The following CNTNAP3B variants were observed in gnomAD, a reference collection of about 807,000 sequenced individuals.
CNTNAP3B encodes the protein contactin-associated protein-like 3B.
Under a neutral mutation model 108.9 loss-of-function variants are expected in CNTNAP3B, and 25 were observed. That is an observed-to-expected ratio of 0.23 (90% CI 0.17 to 0.32). CNTNAP3B has a LOEUF of 0.32. Among genes scored for constraint, CNTNAP3B ranks in the 10% least tolerant of loss-of-function variants. The probability of loss-of-function intolerance (pLI) is 1.00; values close to 1 mark genes in which losing one functional copy is unlikely to be tolerated. For missense variants in CNTNAP3B, 252 were observed against 1,210.4 expected, an observed-to-expected ratio of 0.21 and a Z score of 11.75; for synonymous variants, 103 against 473.4, an observed-to-expected ratio of 0.22 and a Z score of 10.16.
At chr9:41,977,487 CAG>C (rs1339846613) in intron 9 of CNTNAP3B, among the ~76,000 whole-genome samples, 1 of 141,490 alleles carries the variant, frequency 7.1e-6, no homozygotes, top group Non-Finnish European at 1.5e-5. Flanking sequence ...AGAAAACAAT[CAG>C]AAACTTTGCA....
At chr9:41,969,008 G>A (rs1825364038) in intron 10 of CNTNAP3B, among the ~76,000 whole-genome samples, 2 of 152,412 alleles carry the variant, frequency 1.3e-5, no homozygotes, top group East Asian at 3.9e-4. Context: ...ATGTTAGCCA[G>A]GATGGTCTCG....
rs1322589996 is a variant in CNTNAP3B at position 42,115,442 on chromosome 9, C to T, written c.86-10703G>A. Among the ~76,000 whole-genome samples the T allele has an allele frequency of 1.4e-5, 2 of 139,176 alleles. 1 individual carries two copies. Among genetic ancestry groups the T allele is most frequent in the Non-Finnish European group, 3.1e-5 (2 of 64,882 alleles). 91.3% of individuals were successfully genotyped at this position (139,176 alleles called of 152,430 possible). Reference sequence around the variant, plus strand: ...AAGTGGGTCCCTGACCCCTGCGTAGCCTAACTGGGAGACAACTCCCAGTAG... The same window carrying T: ...AAGTGGGTCCCTGACCCCTGCGTAGTCTAACTGGGAGACAACTCCCAGTAG... On this transcript the variant is annotated intron_variant, in intron 1 of 23. Coordinates refer to ENST00000377561, the MANE Select transcript of CNTNAP3B (RefSeq NM_001201380.3).
chr9:41,920,862 C>G (rs1483921886), intron 17 of CNTNAP3B, among the ~76,000 whole-genome samples: 6 of 152,304 alleles, frequency 3.9e-5, no homozygotes, highest in African/African-American at 1.4e-4. Flanking sequence ...GACACCATAC[C>G]CCAGGATCTC....
In CNTNAP3B at chr9:41,973,623, A is replaced by G. The variant is rs1030647279; in HGVS notation, c.1478-3378T>C. Reference sequence around the variant, plus strand: ...AAGGAGGCATGGCATTGAATAGCAGAAAGATTCCATAAAGGTAAGTTTAAA... The same window carrying G: ...AAGGAGGCATGGCATTGAATAGCAGGAAGATTCCATAAAGGTAAGTTTAAA... On this transcript the variant is annotated intron_variant, in intron 9 of 23. Transcript: ENST00000377561. Among the ~76,000 whole-genome samples, 522 of 132,404 alleles carry G rather than the reference A, an allele frequency of 3.9e-3. 45 individuals carry two copies. The highest frequency in any genetic ancestry group is 0.015 in the African/African-American group (498 of 32,632). The allele number at this position is 132,404 out of a possible 152,430, so 86.9% of individuals were successfully genotyped here. A position where few individuals can be genotyped will look rare whatever the true frequency, so the allele number is the denominator to read the frequency against.
At chr9:41,967,976 T>C (rs1825331245) in intron 10 of CNTNAP3B, among the ~76,000 whole-genome samples, 1 of 152,256 alleles carries the variant, frequency 6.6e-6, no homozygotes, top group Non-Finnish European at 1.5e-5. Context: ...TGGAGGCCTT[T>C]TTAAAATGTG....
chr9:41,944,409 AG>A (rs1319348930), intron 13 of CNTNAP3B, among the ~76,000 whole-genome samples: 4 of 151,406 alleles, frequency 2.6e-5, no homozygotes, highest in Non-Finnish European at 5.9e-5. Context: ...AAAATAAGAC[AG>A]AAGGATTGGA....
At chr9:41,930,589 C>T (rs1273018671) in intron 14 of CNTNAP3B, among the ~76,000 whole-genome samples, 2 of 152,080 alleles carry the variant, frequency 1.3e-5, no homozygotes, top group Admixed American at 6.5e-5. Context: ...TCAGCGCTCA[C>T]CTTTTGTCGA....
intron 3 of CNTNAP3B, among the ~76,000 whole-genome samples, chr9:42,054,505 C>G (rs1486228559): frequency 2.0e-5 from 3 of 151,832 alleles, no homozygotes; most frequent in Admixed American, 2.0e-4. Context: ...AGGAAGCTCA[C>G]AGGTGTTGAG....
chr9:41,915,967 A>C (rs1823506873), intron 18 of CNTNAP3B, among the ~76,000 whole-genome samples: 1 of 151,604 alleles, frequency 6.6e-6, no homozygotes, highest in Non-Finnish European at 1.5e-5. Flanking sequence ...ACTTAATACA[A>C]GTGAGATTTA....
intron 15 of CNTNAP3B, among the ~76,000 whole-genome samples, chr9:41,927,527 G>C (rs1402730143): frequency 6.7e-6 from 1 of 150,078 alleles, no homozygotes; most frequent in East Asian, 1.9e-4. Context: ...GGGAGGAAGG[G>C]AAGGAGAGAA....
At chr9:41,935,659 G>T (rs1214646616) in intron 14 of CNTNAP3B, among the ~76,000 whole-genome samples, 1 of 152,238 alleles carries the variant, frequency 6.6e-6, no homozygotes, top group African/African-American at 2.4e-5. Context: ...ACAAGAGTTG[G>T]GTTAGGATTT....
chr9:42,076,448 A>G (rs1435590909), intron 3 of CNTNAP3B, among the ~76,000 whole-genome samples: 1 of 128,772 alleles, frequency 7.8e-6, no homozygotes, highest in Non-Finnish European at 1.6e-5. Flanking sequence ...AAAAAAAACA[A>G]GAAAAACTAA....
chr9:42,103,438 G>A (rs1322426252), intron 2 of CNTNAP3B, among the ~76,000 whole-genome samples: 1 of 47,694 alleles, frequency 2.1e-5, no homozygotes, highest in Non-Finnish European at 4.1e-5. Context: ...AAAAAAAAAA[G>A]GCTGGGCGCG....
chr9:42,114,885 C>A (rs1828277976), intron 1 of CNTNAP3B, among the ~76,000 whole-genome samples: 1 of 133,930 alleles, frequency 7.5e-6, no homozygotes, highest in Non-Finnish European at 1.6e-5. Context: ...GAAACTCCAT[C>A]TTTAGTAAAA....
chr9:42,053,975 GA>G (rs1176716894), intron 3 of CNTNAP3B, among the ~76,000 whole-genome samples: 1 of 151,910 alleles, frequency 6.6e-6, no homozygotes, highest in Non-Finnish European at 1.5e-5. Flanking sequence ...AGAACTCTGG[GA>G]GTATATCAAC....
chr9:41,964,833 C>T (rs1269446784), intron 10 of CNTNAP3B, among the ~76,000 whole-genome samples, 189 bp from the exon 11 acceptor site: 5 of 152,248 alleles, frequency 3.3e-5, no homozygotes, highest in African/African-American at 7.2e-5. Context: ...CATTAGCATG[C>T]AGCTGATTAT....
chr9:42,001,070 G>A (rs1825995075), intron 4 of CNTNAP3B, among the ~76,000 whole-genome samples: 1 of 23,444 alleles, frequency 4.3e-5, no homozygotes, highest in South Asian at 1.2e-3. Flanking sequence ...GTCTTTAGAA[G>A]TAATGCTAAA....
Position 41,990,197 on chromosome 9 carries a change from G to A in CNTNAP3B, c.1333+1413C>T, listed in dbSNP as rs547128531. 2.9e-5 allele frequency among the ~76,000 whole-genome samples: 4 copies of A among 137,642 alleles called. 1 individual carries two copies. The highest frequency in any genetic ancestry group is 1.2e-4 in the African/African-American group (4 of 34,502). 90.3% of individuals were successfully genotyped at this position (137,642 alleles called of 152,430 possible). On this transcript the variant is annotated intron_variant, in intron 8 of 23. Coordinates refer to ENST00000377561, the MANE Select transcript of CNTNAP3B (RefSeq NM_001201380.3). ...TGAAACTGATTCACTATGTTGGTAG[G>A]CAATTTTATCTGTACTTATTTCCCT... is the stretch of plus-strand genomic sequence containing the variant.
intron 3 of CNTNAP3B, among the ~76,000 whole-genome samples, chr9:42,041,711 C>T (rs1366802984): frequency 4.3e-5 from 6 of 139,924 alleles, no homozygotes; most frequent in African/African-American, 1.4e-4. Flanking sequence ...CCAGAAATAC[C>T]ATTTGACCCA....
Sources: allele counts gnomAD v4.1 joint callset (sites outside exome capture counted in the v4.1 genomes callset), GRCh38; gene constraint gnomAD v4.1.1; transcripts MANE v1.5; gene names NCBI Gene and HGNC (gene_info 2026-07-23, HGNC 2026-07-21).